Variants in CACNA1C observed in about 807,000 individuals in gnomAD.
CACNA1C encodes calcium voltage-gated channel subunit alpha1 C.
In CACNA1C, 30 loss-of-function variants were observed where a neutral mutation model predicts 229.0. The observed-to-expected ratio is 0.13, with a 90% confidence interval of 0.10 to 0.18. CACNA1C has a LOEUF of 0.18. CACNA1C is among the 10% of genes least tolerant of loss of function. CACNA1C has a pLI of 1.00. For missense variants in CACNA1C, 1,658 were observed against 2,845.0 expected (o/e 0.58, Z 9.49); for synonymous variants, 1,114 against 1,132.5 (o/e 0.98, Z 0.33).
Position 2,575,521 on chromosome 12 carries a change from A to G in CACNA1C, c.1896-6069A>G, listed in dbSNP as rs938146243. ...CTGCTTCCCCAGGTGGCCTCAGCCA[A>G]TTCTCACTCCTCTTCACTCCATTGC... On this transcript the variant is annotated intron_variant, in intron 13 of 46. Coordinates refer to ENST00000399655, the MANE Select transcript of CACNA1C (RefSeq NM_000719.7). The surrounding 1 kb of genome is among the most constrained non-coding windows in gnomAD (Gnocchi z 4.0). Among the ~76,000 whole-genome samples, 1 of 152,106 alleles carries G rather than the reference A, an allele frequency of 6.6e-6. No individual in the cohort carries two copies. The highest frequency in any genetic ancestry group is 2.4e-5 in the African/African-American group (1 of 41,408).
intron 43 of CACNA1C, among the ~76,000 whole-genome samples, chr12:2,684,359 G>A (rs548524509): frequency 5.1e-4 from 78 of 152,180 alleles, no homozygotes; most frequent in African/African-American, 1.8e-3. Flanking sequence ...AGTGAAACAC[G>A]GTCAATATAA....
chr12:2,230,141 T>C (rs1027449949), intron 3 of CACNA1C, among the ~76,000 whole-genome samples: 1 of 152,070 alleles, frequency 6.6e-6, no homozygotes, highest in African/African-American at 2.4e-5. Flanking sequence ...GTGCTCAGGA[T>C]GTCCCCTCCC....
chr12:2,167,492 G>A (rs12319482), intron 3 of CACNA1C, among the ~76,000 whole-genome samples: 4,516 of 152,274 alleles, frequency 0.03, 209 homozygotes, highest in African/African-American at 0.1. Context: ...GGAGAGTGTT[G>A]ACTTTTTATT....
chr12:2,205,728 C>T (rs1176150242), intron 3 of CACNA1C, among the ~76,000 whole-genome samples: 1 of 152,094 alleles, frequency 6.6e-6, no homozygotes, highest in African/African-American at 2.4e-5. Flanking sequence ...GCTCCTATAA[C>T]AAAATACCGC....
At chr12:2,272,335 G>T (rs1476204243) in intron 3 of CACNA1C, among the ~76,000 whole-genome samples, 1 of 152,014 alleles carries the variant, frequency 6.6e-6, no homozygotes, top group African/African-American at 2.4e-5. Flanking sequence ...TTCGATTCCA[G>T]CTCCAGTTCT....
chr12:2,633,354 G>A lies in CACNA1C; in HGVS notation c.3829-943G>A, dbSNP rs546607203. On this transcript the variant is annotated intron_variant, in intron 29 of 46. Coordinates refer to ENST00000399655, the MANE Select transcript of CACNA1C (RefSeq NM_000719.7). The surrounding 1 kb of genome is among the most constrained non-coding windows in gnomAD (Gnocchi z 5.8). ...CACCCACTCCTGCCCCTGGTGGGAC[G>A]TGGACAGGGCCTCTGTGGAGAAGGG... Among the ~76,000 whole-genome samples, 46 of 152,294 alleles carry A rather than the reference G, an allele frequency of 3.0e-4. No homozygotes were observed. In the East Asian group the frequency reaches 5.4e-3, roughly 18 times the overall value.
chr12:2,069,407 T>C (rs1050661482), intron 1 of CACNA1C, among the ~76,000 whole-genome samples: 2 of 152,142 alleles, frequency 1.3e-5, no homozygotes, highest in African/African-American at 4.8e-5. Flanking sequence ...TTGACTTGCA[T>C]GTGGGGGGTG....
intron 1 of CACNA1C, among the ~76,000 whole-genome samples, chr12:1,981,713 A>G (rs867624005): frequency 2.0e-5 from 3 of 152,214 alleles, no homozygotes; most frequent in African/African-American, 7.2e-5. Context: ...AGCAAATATA[A>G]GTACAACATA....
chr12:2,422,287 A>G (rs2098987017), intron 3 of CACNA1C, among the ~76,000 whole-genome samples: 1 of 152,214 alleles, frequency 6.6e-6, no homozygotes, highest in Admixed American at 6.5e-5. Flanking sequence ...TTGGCTAGGA[A>G]GATAGCTGTT....
intron 8 of CACNA1C, 87 bp downstream of exon 8, chr12:2,505,032 G>A: frequency 1.3e-6 from 1 of 757,476 alleles, no homozygotes; most frequent in Non-Finnish European, 2.3e-6. Context: ...TCTTTTTCTG[G>A]CTCTGATGAA....
At chr12:2,553,161 C>T (rs1440431751) in intron 10 of CACNA1C, among the ~76,000 whole-genome samples, 3 of 152,214 alleles carry the variant, frequency 2.0e-5, no homozygotes, top group African/African-American at 7.2e-5. Context: ...GGCCAAAGCA[C>T]TCCGCTCTGG....
intron 9 of CACNA1C, among the ~76,000 whole-genome samples, chr12:2,549,386 C>T (rs1419950196): frequency 1.3e-5 from 2 of 152,190 alleles, no homozygotes; most frequent in Non-Finnish European, 2.9e-5. Flanking sequence ...CTCAAGCCCT[C>T]TGTCTCAGTT....
Position 2,597,455 on chromosome 12 carries a change from T to C in CACNA1C, c.2853+166T>C. The C allele has an allele frequency of 6.2e-7, 1 of 1,610,470 alleles. No homozygotes were observed. The highest frequency in any genetic ancestry group is 8.5e-7 in the Non-Finnish European group (1 of 1,176,692). ...TTTTCAGATCCTAGGCAATGCAGAC[T>C]ATGTCTTCACTAGTATCTTTACATT... On this transcript the variant is annotated intron_variant, in intron 21 of 46. Transcript: ENST00000399655. This position sits in a 1 kb window ranked among gnomAD's most constrained non-coding sequence, Gnocchi z 4.3.
chr12:2,138,661 A>G (rs1209903750), intron 3 of CACNA1C, among the ~76,000 whole-genome samples: 1 of 151,018 alleles, frequency 6.6e-6, no homozygotes, highest in African/African-American at 2.4e-5. Flanking sequence ...GGTGAAGCCC[A>G]ACATGGTCTT....
intron 1 of CACNA1C, chr12:2,004,778 C>T (rs2043066784): frequency 7.5e-6 from 2 of 265,638 alleles, no homozygotes; most frequent in African/African-American, 4.5e-5. Context: ...CTTGGCATAT[C>T]TTTTCTTTGG....
At chr12:2,023,130 C>T (rs1297170406) in intron 1 of CACNA1C, among the ~76,000 whole-genome samples, 2 of 152,146 alleles carry the variant, frequency 1.3e-5, no homozygotes, top group Admixed American at 6.5e-5. Flanking sequence ...CCATTAAAAA[C>T]GAAAGAAAAC....
intron 1 of CACNA1C, among the ~76,000 whole-genome samples, chr12:2,096,221 C>A (rs1288259958): frequency 6.6e-6 from 1 of 152,224 alleles, no homozygotes; most frequent in Non-Finnish European, 1.5e-5. Context: ...GAAGGTGAGT[C>A]TGGTTTTACT....
At chr12:2,027,946 G>C (rs1214057021) in intron 1 of CACNA1C, among the ~76,000 whole-genome samples, 2 of 152,226 alleles carry the variant, frequency 1.3e-5, no homozygotes, top group Non-Finnish European at 2.9e-5. Context: ...GCATCTAGCA[G>C]TTAAGAGGGG....
At chr12:2,125,596 G>C (rs1442802598) in intron 3 of CACNA1C, among the ~76,000 whole-genome samples, 2 of 152,146 alleles carry the variant, frequency 1.3e-5, no homozygotes, top group Non-Finnish European at 2.9e-5. Context: ...AACCCCTGTG[G>C]CATAAGTTCA....
Sources: allele counts gnomAD v4.1 joint callset (sites outside exome capture counted in the v4.1 genomes callset), GRCh38; gene constraint gnomAD v4.1.1; non-coding constraint Gnocchi (gnomAD v3.1); transcripts MANE v1.5; gene names NCBI Gene and HGNC (gene_info 2026-07-23, HGNC 2026-07-21).